The following S100A4 variants were observed in gnomAD, a reference collection of about 807,000 sequenced individuals.
S100A4 encodes the protein protein S100-A4.
S100A4 carries 4 observed loss-of-function variants against 6.3 expected under a neutral mutation model. The ratio of observed to expected loss-of-function variants is 0.64; its 90% CI spans 0.31 to 1.46. The LOEUF (loss-of-function observed/expected upper bound fraction) is 1.46. Ranked by LOEUF, S100A4 falls within the 40% of genes most tolerant of loss-of-function variation. The pLI, the probability that S100A4 is intolerant of heterozygous loss-of-function variation, is 0.07. For missense variants in S100A4, 108 were observed against 120.8 expected (o/e 0.89, Z 0.50); for synonymous variants, 44 against 47.6 (o/e 0.92, Z 0.32).
At position 153,545,492 on chromosome 1, in the gene S100A4, G is replaced by A. The variant is rs61805735; in HGVS notation, c.-16+261C>T. On this transcript the variant is annotated intron_variant, in intron 1 of 2. Transcript: ENST00000368716. ...TACCAACACGTACTATAGCAACAGCGTGTGCAAGCCCACATCTCAGAAGCA... is the reference window on the plus strand; with the variant it reads ...TACCAACACGTACTATAGCAACAGCATGTGCAAGCCCACATCTCAGAAGCA... The A allele has an allele frequency of 5.1e-3, 786 of 152,642 alleles. 4 individuals carry two copies. Among genetic ancestry groups the A allele is most frequent in the Admixed American group, 0.013 (198 of 15,326 alleles). 9.5% of individuals were successfully genotyped at this position (152,642 alleles called of 1,614,324 possible). A position where few individuals can be genotyped will look rare whatever the true frequency, so the allele number is the denominator to read the frequency against.
chr1:153,543,833 A>G lies in S100A4; in HGVS notation c.232T>C (p.Phe78Leu). The change falls in exon 3 of 3, where the codon TTC becomes CTC. Residue 78 changes from phenylalanine (F) to leucine (L), a missense_variant. Phe to Leu is a conservative substitution (Grantham distance 22, BLOSUM62 0). Coordinates refer to ENST00000368716, the MANE Select transcript of S100A4 (RefSeq NM_002961.3). Reference protein sequence around the residue: ...NEVDFQEYCVFLSCIAMMCNE... With the variant: ...NEVDFQEYCVLLSCIAMMCNE... ...CACATCATGGCGATGCAGGACAGGA[A>G]GACACAGTACTCTTGGAAGTCCACC... The G allele has an allele frequency of 1.2e-6, 2 of 1,614,244 alleles. No homozygotes were observed. The highest frequency in any genetic ancestry group is 1.7e-6 in the Non-Finnish European group (2 of 1,180,040).
At chr1:153,544,365 C>T (rs1212472463) in intron 2 of S100A4, among the ~76,000 whole-genome samples, 1 of 152,190 alleles carries the variant, frequency 6.6e-6, no homozygotes, top group East Asian at 1.9e-4. Flanking sequence ...AGTCCCGGTC[C>T]GGATGGCAGT....
rs1665462069 is a variant in S100A4 at position 153,543,766 on chromosome 1, T to C, written c.299A>G (p.Lys100Arg). The C allele has an allele frequency of 1.2e-6, 2 of 1,613,814 alleles. No individual in the cohort carries two copies. The highest frequency in any genetic ancestry group is 1.7e-6 in the Non-Finnish European group (2 of 1,179,974). Residue 100 changes from lysine (K) to arginine (R), a missense_variant, in exon 3 of 3, where the codon AAG becomes AGG. By Grantham distance (26) the Lys-to-Arg change is conservative. Coordinates refer to ENST00000368716, the MANE Select transcript of S100A4 (RefSeq NM_002961.3). ...FEGFPDKQPR[K>R]K The stretch of plus-strand genomic sequence containing the variant: ...ACCACATCAGAGGAGTTTTCATTTC[T>C]TCCTGGGCTGCTTATCTGGGAAGCC...
intron 2 of S100A4, 21 bp from the exon 3 acceptor site, chr1:153,543,944 A>C (rs780011224): frequency 1.9e-6 from 3 of 1,613,038 alleles, no homozygotes; most frequent in Non-Finnish European, 2.5e-6. Context: ...AAGAGGCTAC[A>C]GATAGAAAAC....
At chr1:153,544,575 A>G (rs2101691848) in intron 2 of S100A4, 79 bp downstream of exon 2, 2 of 1,569,562 alleles carry the variant, frequency 1.3e-6, no homozygotes, top group Non-Finnish European at 1.7e-6. Context: ...CTCTGTAGCT[A>G]ATGCTCTAGA....
At chr1:153,545,710 C>G (rs1023541788) in intron 1 of S100A4, 43 bp downstream of exon 1, 3 of 153,270 alleles carry the variant, frequency 2.0e-5, no homozygotes, top group African/African-American at 7.2e-5. Context: ...CCAGCCCTGG[C>G]CTCTGACACC....
intron 2 of S100A4, among the ~76,000 whole-genome samples, chr1:153,544,167 C>T (rs1003571555): frequency 6.6e-6 from 1 of 152,192 alleles, no homozygotes; most frequent in Non-Finnish European, 1.5e-5. Context: ...TTCTAATAAT[C>T]CCATGAGGTA....
At chr1:153,544,565 C>A in intron 2 of S100A4, 89 bp downstream of exon 2, 1 of 1,558,886 alleles carries the variant, frequency 6.4e-7, no homozygotes, top group Non-Finnish European at 8.8e-7. Flanking sequence ...GATAGATGCC[C>A]TCTGTAGCTA....
intron 1 of S100A4, 49 bp from the exon 2 acceptor site, chr1:153,544,858 G>C: frequency 6.2e-7 from 1 of 1,604,642 alleles, no homozygotes; most frequent in Non-Finnish European, 8.5e-7. Flanking sequence ...ACCCCTCAGA[G>C]ATGTGTTCAG....
chr1:153,544,925 C>T (rs1332645604), intron 1 of S100A4, 116 bp from the exon 2 acceptor site: 23 of 1,323,832 alleles, frequency 1.7e-5, no homozygotes, highest in Middle Eastern at 2.6e-4. Flanking sequence ...CTGCTCCCTC[C>T]CTGGGGGAGC....
rs1557892529 is a variant in S100A4, at chr1:153,544,949, C to A, written c.-15-140G>T. The A allele has an allele frequency of 5.9e-6, 6 of 1,008,724 alleles. No homozygotes were observed. The South Asian group carries it at 9.4e-5, about 16-fold the overall frequency. 62.5% of individuals were successfully genotyped at this position (1,008,724 alleles called of 1,614,324 possible). On this transcript the variant is annotated intron_variant, in intron 1 of 2. Transcript: ENST00000368716. ...CCCTGGGGGAGCCCAGAGCAGTGGG[C>A]CCCCGCACCTGGCTGGGAGGGTGTG... is the stretch of plus-strand genomic sequence containing the variant.
rs199505533 is a variant in S100A4, at chr1:153,543,790, C to A, written c.275G>T (p.Gly92Val). ...CTTCCTGGGCTGCTTATCTGGGAAGCCTTCAAAGAATTCGTTACACATCAT... is the reference window on the plus strand; with the variant it reads ...CTTCCTGGGCTGCTTATCTGGGAAGACTTCAAAGAATTCGTTACACATCAT... ...IAMMCNEFFE[G>V]FPDKQPRKK Residue 92 changes from glycine to valine, a missense_variant, in exon 3 of 3, where the codon GGC becomes GTC. Coordinates refer to ENST00000368716, the MANE Select transcript of S100A4 (RefSeq NM_002961.3). 5 of 1,614,058 alleles carry A rather than the reference C, an allele frequency of 3.1e-6. No individual in the cohort carries two copies. The highest frequency in any genetic ancestry group is 1.1e-5 in the South Asian group (1 of 91,074).
chr1:153,545,557 TTTG>T (rs1665535740), intron 1 of S100A4, 193 bp downstream of exon 1: 1 of 152,408 alleles, frequency 6.6e-6, no homozygotes, highest in Admixed American at 6.5e-5. Context: ...CACTTTTCTG[TTTG>T]TTTTTTCCTC....
At chr1:153,544,205 CTG>C (rs775715141) in intron 2 of S100A4, among the ~76,000 whole-genome samples, 2 of 152,138 alleles carry the variant, frequency 1.3e-5, no homozygotes, top group Non-Finnish European at 2.9e-5. Context: ...AATATATAAA[CTG>C]TGTTATGTTT....
At position 153,543,745 on chromosome 1, in the gene S100A4, C is replaced by T; in HGVS notation, c.*14G>A. On this transcript the variant is annotated 3_prime_UTR_variant, in exon 3 of 3. Transcript: ENST00000368716. ...CCCCAGCTGGCAGACCCCCCAACCACATCAGAGGAGTTTTCATTTCTTCCT... is the reference window on the plus strand; with the variant it reads ...CCCCAGCTGGCAGACCCCCCAACCATATCAGAGGAGTTTTCATTTCTTCCT... The T allele has an allele frequency of 1.9e-6, 3 of 1,613,084 alleles. No individual in the cohort carries two copies. Among genetic ancestry groups the T allele is most frequent in the Non-Finnish European group, 2.5e-6 (3 of 1,179,618 alleles).
At chr1:153,544,603 C>G (rs770384521) in intron 2 of S100A4, 51 bp downstream of exon 2, 26 of 1,609,046 alleles carry the variant, frequency 1.6e-5, no homozygotes, top group Non-Finnish European at 2.2e-5. Flanking sequence ...TGCTGCCCTC[C>G]TCTGTGGGAA....
chr1:153,544,582 T>TAGAGCATTAGCTAC, intron 2 of S100A4, 72 bp downstream of exon 2: 1 of 1,589,810 alleles, frequency 6.3e-7, no homozygotes, highest in Non-Finnish European at 8.6e-7. Flanking sequence ...GCTAATGCTC[T>TAGAGCATTAGCTAC]AGAGCAAGAC....
At position 153,544,635 on chromosome 1, in the gene S100A4, T is replaced by C; in HGVS notation, c.141+19A>G. The C allele has an allele frequency of 6.2e-7, 1 of 1,614,104 alleles. No homozygotes were observed. The highest frequency in any genetic ancestry group is 8.5e-7 in the Non-Finnish European group (1 of 1,179,972). On this transcript the variant is annotated intron_variant, in intron 2 of 2. Coordinates refer to ENST00000368716, the MANE Select transcript of S100A4 (RefSeq NM_002961.3). ...GGAAATGCCCCACGTGGGGACTCAC[T>C]CAGGCACTACCCACTCACCCCCAAG...
rs745403829 is a variant in S100A4 at position 153,544,814 on chromosome 1, G to A, written c.-15-5C>T. On this transcript the variant is annotated splice_region_variant and splice_polypyrimidine_tract_variant and intron_variant, in intron 1 of 2. Coordinates refer to ENST00000368716, the MANE Select transcript of S100A4 (RefSeq NM_002961.3). ...CGCCATGACAGCAGTCAGGATCTGGGAGCAGGAGGCACAGAGACCGTCTTA... is the reference window on the plus strand; with the variant it reads ...CGCCATGACAGCAGTCAGGATCTGGAAGCAGGAGGCACAGAGACCGTCTTA... 2 of 1,614,050 alleles carry A rather than the reference G, an allele frequency of 1.2e-6. No homozygotes were observed. The highest frequency in any genetic ancestry group is 1.7e-5 in the Admixed American group (1 of 60,028).
Sources: allele counts gnomAD v4.1 joint callset (sites outside exome capture counted in the v4.1 genomes callset), GRCh38; gene constraint gnomAD v4.1.1; transcripts MANE v1.5; gene names NCBI Gene and HGNC (gene_info 2026-07-23, HGNC 2026-07-21).